Variants in USP7 observed in about 807,000 individuals in gnomAD.
The protein encoded by USP7 is ubiquitin specific peptidase 7.
In USP7, 9 loss-of-function variants were observed where a neutral mutation model predicts 162.9. That is an observed-to-expected ratio of 0.06 (90% CI 0.03 to 0.10). The LOEUF is 0.10. Ranked by LOEUF, USP7 falls within the 10% of genes least tolerant of loss-of-function variation. The probability of loss-of-function intolerance (pLI) is 1.00; values close to 1 mark genes in which losing one functional copy is unlikely to be tolerated. For missense variants in USP7, 715 were observed against 1,373.7 expected, an observed-to-expected ratio of 0.52 and a Z score of 7.58; for synonymous variants, 562 against 475.9, an observed-to-expected ratio of 1.18 and a Z score of -2.35.
chr16:8,935,382 C>G (rs1898644485), intron 1 of USP7, among the ~76,000 whole-genome samples: 1 of 152,024 alleles, frequency 6.6e-6, no homozygotes, highest in Non-Finnish European at 1.5e-5. Context: ...GCTAATTTGT[C>G]TGTATTTTTG....
At chr16:8,944,034 G>A (rs1899170518) in intron 1 of USP7, among the ~76,000 whole-genome samples, 1 of 152,058 alleles carries the variant, frequency 6.6e-6, no homozygotes, top group Non-Finnish European at 1.5e-5. Context: ...AACATAGGGA[G>A]ACCCCCGTCT....
chr16:8,905,880 G>A (rs952225244), intron 13 of USP7, among the ~76,000 whole-genome samples: 3 of 152,214 alleles, frequency 2.0e-5, no homozygotes, highest in African/African-American at 4.8e-5. Context: ...GCTGTTACAC[G>A]CACTCTTCAC....
At chr16:8,956,082 A>G (rs1899787710) in intron 1 of USP7, among the ~76,000 whole-genome samples, 1 of 152,206 alleles carries the variant, frequency 6.6e-6, no homozygotes, top group Non-Finnish European at 1.5e-5. Context: ...TTAACAACTT[A>G]CTGTGAGAGC....
At chr16:8,907,277 AGAAACATACC>A (rs1298545306) in intron 12 of USP7, among the ~76,000 whole-genome samples, 1 of 152,242 alleles carries the variant, frequency 6.6e-6, no homozygotes, top group African/African-American at 2.4e-5. Context: ...GAGGATCCAA[AGAAACATACC>A]AACAGGTTGG....
intron 12 of USP7, among the ~76,000 whole-genome samples, chr16:8,907,551 T>C (rs1280533108): frequency 6.6e-6 from 1 of 152,220 alleles, no homozygotes; most frequent in Non-Finnish European, 1.5e-5. Context: ...TCTACTATTT[T>C]AACAACCTAG....
chr16:8,895,483 G>C (rs547197820), intron 27 of USP7, among the ~76,000 whole-genome samples, 159 bp downstream of exon 27: 13 of 152,322 alleles, frequency 8.5e-5, no homozygotes, highest in Admixed American at 1.3e-4. Flanking sequence ...ACTAATTTCT[G>C]TGCAAAAACA....
intron 3 of USP7, 85 bp downstream of exon 3, chr16:8,923,130 G>A: frequency 1.2e-6 from 1 of 815,764 alleles, no homozygotes; most frequent in Non-Finnish European, 1.8e-6. Flanking sequence ...AAAATCAAAA[G>A]GCTATGTAGA....
At chr16:8,902,999 T>TA (rs1417890419) in intron 16 of USP7, among the ~76,000 whole-genome samples, 5 of 151,900 alleles carry the variant, frequency 3.3e-5, no homozygotes, top group African/African-American at 9.7e-5. Context: ...AAAGAGGGGG[T>TA]AGGGGTGCAG....
At chr16:8,914,643 G>C (rs2062000747) in intron 10 of USP7, among the ~76,000 whole-genome samples, 1 of 152,190 alleles carries the variant, frequency 6.6e-6, no homozygotes, top group South Asian at 2.1e-4. Flanking sequence ...ACACAGGCTG[G>C]ACATGGCAGC....
Position 8,900,834 on chromosome 16 carries a change from AT to A in USP7, c.2208+155del. 6.0e-6 allele frequency: 5 copies of A among 827,286 alleles called. 1 individual carries two copies. The highest frequency in any genetic ancestry group is 2.7e-5 in the East Asian group (1 of 36,854). 51.2% of individuals were successfully genotyped at this position (827,286 alleles called of 1,614,324 possible). Reference sequence around the variant, plus strand: ...ATTCTACAACAGGTAAAAAAAAAAAATTCACAAATCTAAATATGTCATTCTC... The same window carrying A: ...ATTCTACAACAGGTAAAAAAAAAAAATCACAAATCTAAATATGTCATTCTC... On this transcript the variant is annotated intron_variant, in intron 20 of 30. Transcript: ENST00000344836.
chr16:8,930,563 A>G (rs1898261942), intron 1 of USP7, among the ~76,000 whole-genome samples, 166 bp from the exon 2 acceptor site: 2 of 152,246 alleles, frequency 1.3e-5, no homozygotes, highest in Non-Finnish European at 2.9e-5. Flanking sequence ...AATGTTTACT[A>G]CATACAAACT....
In USP7 at chr16:8,892,879, T is replaced by C. The variant is rs139676650; in HGVS notation, c.*1119A>G. On this transcript the variant is annotated 3_prime_UTR_variant, in exon 31 of 31. Coordinates refer to ENST00000344836, the MANE Select transcript of USP7 (RefSeq NM_003470.3). ...GCTCCCACAGAAACAACCCAAAAAA[T>C]ACCGGAAAAGGATGAAAAATAAGAG... The C allele has an allele frequency of 2.5e-3, 381 of 152,094 alleles. 3 individuals carry two copies. Among genetic ancestry groups the C allele is most frequent in the African/African-American group, 8.7e-3 (361 of 41,494 alleles). The allele number at this position is 152,094 out of a possible 1,614,324, so 9.4% of individuals were successfully genotyped here.
chr16:8,915,160 G>T (rs1297200647), intron 10 of USP7, 94 bp downstream of exon 10: 3 of 1,184,080 alleles, frequency 2.5e-6, no homozygotes, highest in Non-Finnish European at 1.2e-6. Context: ...TCTGTGTTTA[G>T]ACTATTTAAA....
intron 1 of USP7, among the ~76,000 whole-genome samples, chr16:8,934,011 C>T (rs1168801831): frequency 3.3e-5 from 5 of 152,064 alleles, no homozygotes; most frequent in African/African-American, 1.2e-4. Context: ...CCAGTCTTGG[C>T]CTCCCAAAAG....
intron 1 of USP7, among the ~76,000 whole-genome samples, chr16:8,948,306 C>T (rs1173842610): frequency 6.6e-6 from 1 of 152,188 alleles, no homozygotes; most frequent in East Asian, 1.9e-4. Flanking sequence ...CCTCAGCCTC[C>T]AGAGTAGCTG....
chr16:8,932,163 A>G (rs1898390984), intron 1 of USP7, among the ~76,000 whole-genome samples: 1 of 152,218 alleles, frequency 6.6e-6, no homozygotes, highest in Non-Finnish European at 1.5e-5. Context: ...CAAGCATCTC[A>G]AAACATTCAA....
chr16:8,924,761 TG>T (rs1404406069), intron 2 of USP7, among the ~76,000 whole-genome samples: 1 of 152,234 alleles, frequency 6.6e-6, no homozygotes, highest in African/African-American at 2.4e-5. Context: ...TCAGTCCTCC[TG>T]GGAGGGTAGT....
chr16:8,930,426 G>C, intron 1 of USP7, 29 bp from the exon 2 acceptor site: 1 of 1,548,398 alleles, frequency 6.5e-7, no homozygotes, highest in Non-Finnish European at 8.8e-7. Context: ...AATTCCACGG[G>C]TTTTACATTC....
intron 1 of USP7, among the ~76,000 whole-genome samples, chr16:8,939,690 T>C (rs980729186): frequency 2.0e-5 from 3 of 152,260 alleles, no homozygotes; most frequent in African/African-American, 4.8e-5. Flanking sequence ...GTACATATCA[T>C]GTACATTGCT....
Sources: allele counts gnomAD v4.1 joint callset (sites outside exome capture counted in the v4.1 genomes callset), GRCh38; gene constraint gnomAD v4.1.1; transcripts MANE v1.5; gene names NCBI Gene and HGNC (gene_info 2026-07-23, HGNC 2026-07-21).